Variants in HTR2C observed in about 807,000 individuals in gnomAD.
The protein encoded by HTR2C is 5-hydroxytryptamine (serotonin) receptor 2C, G protein-coupled.
Under a neutral mutation model 21.0 loss-of-function variants are expected in HTR2C, and 5 were observed. The ratio of observed to expected loss-of-function variants is 0.24; its 90% CI spans 0.12 to 0.50. The LOEUF (loss-of-function observed/expected upper bound fraction) is 0.50, where lower values mean the gene tolerates loss of function less well. Among genes scored for constraint, HTR2C ranks in the 20% least tolerant of loss-of-function variants. The probability of loss-of-function intolerance (pLI) is 0.98; values close to 1 mark genes in which losing one functional copy is unlikely to be tolerated. For missense variants in HTR2C, 271 were observed against 371.2 expected, an observed-to-expected ratio of 0.73 and a Z score of 2.22; for synonymous variants, 150 against 145.3, an observed-to-expected ratio of 1.03 and a Z score of -0.23.
rs2069816601 is a variant in HTR2C at position 114,756,649 on chromosome X, G to T, written c.349+25042G>T. ...GACAAAATTATAGAAATAGAGACCA[G>T]ATTAATGCTTTTCAGGGTTTAAGGA... On this transcript the variant is annotated intron_variant, in intron 4 of 5. Coordinates refer to ENST00000276198, the MANE Select transcript of HTR2C (RefSeq NM_000868.4). 4.5e-5 allele frequency among the ~76,000 whole-genome samples: 5 copies of T among 112,173 alleles called. No individual in the cohort carries two copies. The South Asian group carries it at 1.9e-3, about 42-fold the overall frequency.
intron 5 of HTR2C, among the ~76,000 whole-genome samples, chrX:114,897,766 G>A (rs1271865667): frequency 2.7e-5 from 3 of 112,320 alleles, no homozygotes; most frequent in African/African-American, 6.5e-5. Context: ...ATAGTATTCC[G>A]TGGTTTATAT....
intron 5 of HTR2C, among the ~76,000 whole-genome samples, chrX:114,852,024 C>T (rs1556469436): frequency 2.7e-5 from 3 of 111,298 alleles, no homozygotes. Flanking sequence ...TTTTCTATAT[C>T]CTACCATACA....
chrX:114,847,973 T>C, intron 4 of HTR2C, 30 bp from the exon 5 acceptor site: 34 of 1,113,406 alleles, frequency 3.1e-5, no homozygotes, highest in Non-Finnish European at 4.1e-5. Flanking sequence ...TTGGATGACG[T>C]GTTCTTGTCT....
chrX:114,647,092 C>T (rs782755381), intron 2 of HTR2C, among the ~76,000 whole-genome samples: 33 of 110,679 alleles, frequency 3.0e-4, no homozygotes, highest in Non-Finnish European at 4.5e-4. Context: ...GGAAGGTGAA[C>T]GGGGAAAGAA....
chrX:114,601,608 T>C (rs1445042694), intron 1 of HTR2C, among the ~76,000 whole-genome samples: 1 of 108,788 alleles, frequency 9.2e-6, no homozygotes, highest in Non-Finnish European at 1.9e-5. Flanking sequence ...TCAGTTAAGG[T>C]GGGGTAGGGC....
intron 4 of HTR2C, among the ~76,000 whole-genome samples, chrX:114,834,055 G>A (rs1231769966): frequency 1.4e-4 from 15 of 110,769 alleles, no homozygotes; most frequent in Non-Finnish European, 2.6e-4. Context: ...ATTGCAGTGT[G>A]GTCTGAGAGA....
chrX:114,706,656 C>G (rs1556418188), intron 2 of HTR2C, among the ~76,000 whole-genome samples: 1 of 104,746 alleles, frequency 9.5e-6, no homozygotes, highest in East Asian at 3.2e-4. Flanking sequence ...CACATGTATA[C>G]ATATGTAACT....
At chrX:114,888,662 C>T (rs1002533218) in intron 5 of HTR2C, among the ~76,000 whole-genome samples, 2 of 111,917 alleles carry the variant, frequency 1.8e-5, no homozygotes, top group African/African-American at 6.5e-5. Context: ...TAGACTCTCA[C>T]TGTTCTTACT....
chrX:114,785,383 T>C (rs192218405), intron 4 of HTR2C, among the ~76,000 whole-genome samples: 10 of 112,034 alleles, frequency 8.9e-5, no homozygotes, highest in African/African-American at 3.2e-4. Flanking sequence ...AAAATTGGTC[T>C]CAAAAAATTA....
In HTR2C at chrX:114,793,004, C is replaced by T. The variant is rs954464190; in HGVS notation, c.350-54999C>T. Among the ~76,000 whole-genome samples the T allele has an allele frequency of 6.3e-5, 7 of 111,786 alleles. No homozygotes were observed. In the East Asian group the frequency reaches 2.0e-3, roughly 31 times the overall value. ...TGTTCATTTAAGTTCCTTTTAAATG[C>T]TAGATATTAGACATATGTCAGATGG... On this transcript the variant is annotated intron_variant, in intron 4 of 5. Transcript: ENST00000276198.
At chrX:114,755,625 C>T (rs1371048860) in intron 4 of HTR2C, among the ~76,000 whole-genome samples, 1 of 111,692 alleles carries the variant, frequency 9.0e-6, no homozygotes, top group East Asian at 2.8e-4. Flanking sequence ...TATGAGGTAA[C>T]ATTCAAAGGT....
chrX:114,728,681 T>C (rs1160369815), intron 3 of HTR2C, among the ~76,000 whole-genome samples: 1 of 111,494 alleles, frequency 9.0e-6, no homozygotes, highest in Non-Finnish European at 1.9e-5. Flanking sequence ...TTACAGATTC[T>C]TTTATTAAAA....
intron 4 of HTR2C, among the ~76,000 whole-genome samples, chrX:114,835,779 G>C (rs782091742): frequency 9.0e-6 from 1 of 111,387 alleles, no homozygotes; most frequent in Non-Finnish European, 1.9e-5. Flanking sequence ...GAGGAGAGGC[G>C]CTCTGCTTTT....
intron 4 of HTR2C, among the ~76,000 whole-genome samples, chrX:114,781,170 G>A (rs2070113213): frequency 1.8e-5 from 2 of 111,047 alleles, no homozygotes; most frequent in South Asian, 7.6e-4. Flanking sequence ...GGGAGATGTT[G>A]AAAACATAAG....
intron 2 of HTR2C, among the ~76,000 whole-genome samples, chrX:114,647,201 T>C (rs1262224781): frequency 9.0e-6 from 1 of 111,391 alleles, no homozygotes; most frequent in Non-Finnish European, 1.9e-5. Context: ...TAATGTAATG[T>C]ATATTTCAAA....
At chrX:114,622,321 A>G (rs1434849815) in intron 2 of HTR2C, among the ~76,000 whole-genome samples, 1 of 111,435 alleles carries the variant, frequency 9.0e-6, no homozygotes, top group Non-Finnish European at 1.9e-5. Context: ...TATGGGTTTT[A>G]TAAAAGATGT....
intron 4 of HTR2C, among the ~76,000 whole-genome samples, chrX:114,824,844 G>A (rs1467427466): frequency 9.0e-6 from 1 of 111,421 alleles, no homozygotes; most frequent in Non-Finnish European, 1.9e-5. Context: ...TGGAATTAGG[G>A]GCTTAGTGAA....
intron 2 of HTR2C, among the ~76,000 whole-genome samples, chrX:114,623,788 C>T (rs1929256144): frequency 9.1e-6 from 1 of 109,365 alleles, no homozygotes; most frequent in Non-Finnish European, 1.9e-5. Context: ...TCCCTAAGAA[C>T]TTAAATAGAT....
chrX:114,746,005 A>G (rs2069699922), intron 4 of HTR2C, among the ~76,000 whole-genome samples: 1 of 112,323 alleles, frequency 8.9e-6, no homozygotes, highest in South Asian at 3.7e-4. Flanking sequence ...TTGAGGGGAC[A>G]GATATCCCAT....
Sources: allele counts gnomAD v4.1 joint callset (sites outside exome capture counted in the v4.1 genomes callset), GRCh38; gene constraint gnomAD v4.1.1; transcripts MANE v1.5; gene names NCBI Gene and HGNC (gene_info 2026-07-23, HGNC 2026-07-21).